The following RAB28 variants were observed in gnomAD, a reference collection of about 807,000 sequenced individuals.
RAB28 encodes the protein RAB28, member RAS oncogene family.
A neutral mutation model predicts 31.7 loss-of-function variants in RAB28; 24 were observed. The observed-to-expected ratio is 0.76, with a 90% CI of 0.55 to 1.06. The LOEUF is 1.06. RAB28 is among the 50% of genes least tolerant of loss of function. The pLI is 0.00. For missense variants in RAB28, 254 were observed against 258.5 expected, an observed-to-expected ratio of 0.98 and a Z score of 0.12; for synonymous variants, 100 against 90.4, an observed-to-expected ratio of 1.11 and a Z score of -0.60.
chr4:13,369,821 T>C (rs960151395), intron 6 of RAB28: 19 of 1,523,884 alleles, frequency 1.2e-5, no homozygotes, highest in Non-Finnish European at 1.7e-5. Context: ...TAGCATTCAA[T>C]GGTTCTCCCT....
At chr4:13,467,617 C>T (rs553862353) in intron 3 of RAB28, among the ~76,000 whole-genome samples, 1 of 151,880 alleles carries the variant, frequency 6.6e-6, no homozygotes, top group South Asian at 2.1e-4. Context: ...ATGTATATTG[C>T]AAACTCTAGA....
At chr4:13,442,683 G>A (rs1214123590) in intron 4 of RAB28, among the ~76,000 whole-genome samples, 1 of 151,972 alleles carries the variant, frequency 6.6e-6, no homozygotes, top group Non-Finnish European at 1.5e-5. Context: ...GAGAAGACAG[G>A]ATTTGAAGCA....
chr4:13,478,500 T>C (rs1716464525), intron 2 of RAB28, among the ~76,000 whole-genome samples: 1 of 151,534 alleles, frequency 6.6e-6, no homozygotes, highest in Non-Finnish European at 1.5e-5. Flanking sequence ...GTCTGATAGA[T>C]GGGGTGTCTG....
At chr4:13,470,243 A>G (rs1716057009) in intron 3 of RAB28, among the ~76,000 whole-genome samples, 1 of 152,152 alleles carries the variant, frequency 6.6e-6, no homozygotes, top group Admixed American at 6.6e-5. Context: ...CATACAGATT[A>G]TATAATAGCC....
At chr4:13,400,235 T>C (rs922165894) in intron 4 of RAB28, among the ~76,000 whole-genome samples, 1 of 152,162 alleles carries the variant, frequency 6.6e-6, no homozygotes. Context: ...ATTGTCTTTA[T>C]AAAAGCTGTT....
intron 4 of RAB28, among the ~76,000 whole-genome samples, chr4:13,422,197 A>G (rs549413676): frequency 6.6e-6 from 1 of 152,338 alleles, no homozygotes; most frequent in East Asian, 1.9e-4. Flanking sequence ...CAAAACCACA[A>G]TGAGATACCA....
intron 4 of RAB28, among the ~76,000 whole-genome samples, chr4:13,452,372 G>C (rs936043789): frequency 6.6e-6 from 1 of 151,638 alleles, no homozygotes; most frequent in Admixed American, 6.6e-5. Flanking sequence ...CAGTTTATTT[G>C]AAATCCTTCC....
intron 4 of RAB28, among the ~76,000 whole-genome samples, chr4:13,395,596 C>G (rs1729841565): frequency 6.6e-6 from 1 of 151,918 alleles, no homozygotes; most frequent in Non-Finnish European, 1.5e-5. Context: ...CTCAGGATCT[C>G]CACTGCATCC....
intron 4 of RAB28, among the ~76,000 whole-genome samples, chr4:13,446,603 G>A (rs1490704531): frequency 6.6e-6 from 1 of 152,144 alleles, no homozygotes; most frequent in Non-Finnish European, 1.5e-5. Flanking sequence ...GCTGGGGGAG[G>A]GGGATCCCGG....
intron 4 of RAB28, among the ~76,000 whole-genome samples, chr4:13,408,432 T>C (rs1712228560): frequency 1.3e-5 from 2 of 152,194 alleles, no homozygotes; most frequent in South Asian, 4.1e-4. Flanking sequence ...TATCGAGGAT[T>C]TTCAAACTGA....
At chr4:13,465,967 T>C (rs1439101874) in intron 3 of RAB28, among the ~76,000 whole-genome samples, 1 of 151,766 alleles carries the variant, frequency 6.6e-6, no homozygotes, top group East Asian at 1.9e-4. Context: ...AAATACACAA[T>C]GGAAAAAGGA....
rs537593708 is a variant in RAB28, at chr4:13,484,229, G to C, written c.-79C>G. ...AAGGCTCCGGGGGCGGGGGAGAGGA[G>C]GAAGGGAGGTAGTTGCGGCAGGACC... On this transcript the variant is annotated 5_prime_UTR_variant, in exon 1 of 7. Coordinates refer to ENST00000330852, the MANE Select transcript of RAB28 (RefSeq NM_001017979.3). 1.4e-3 allele frequency: 1,601 copies of C among 1,179,554 alleles called. 19 individuals carry two copies. The African/African-American group carries it at 0.021, about 16-fold the overall frequency. 73.1% of individuals were successfully genotyped at this position (1,179,554 alleles called of 1,614,324 possible). A position where few individuals can be genotyped will look rare whatever the true frequency, so the allele number is the denominator to read the frequency against.
At chr4:13,443,353 T>C (rs966212840) in intron 4 of RAB28, among the ~76,000 whole-genome samples, 4 of 151,806 alleles carry the variant, frequency 2.6e-5, no homozygotes, top group Non-Finnish European at 5.9e-5. Context: ...TTTGTATTTT[T>C]AGTAGAGACA....
intron 4 of RAB28, among the ~76,000 whole-genome samples, chr4:13,451,373 A>T (rs2108951466): frequency 6.8e-6 from 1 of 147,496 alleles, no homozygotes; most frequent in South Asian, 2.1e-4. Context: ...CCATTTTTTA[A>T]ATTGGATTAG....
In RAB28 at chr4:13,381,627, A is replaced by G. The variant is rs375279129; in HGVS notation, c.392-33T>C. The stretch of plus-strand genomic sequence containing the variant: ...GGTGTTAAAGAAAGAAAATAATTCA[A>G]TATTAGAGTCTATCAAAACGTTTTT... On this transcript the variant is annotated intron_variant, in intron 4 of 6. Coordinates refer to ENST00000330852, the MANE Select transcript of RAB28 (RefSeq NM_001017979.3). The G allele has an allele frequency of 5.0e-4, 731 of 1,476,296 alleles. 8 individuals are homozygous for G. The South Asian group carries it at 8.2e-3, about 17-fold the overall frequency. 91.4% of individuals were successfully genotyped at this position (1,476,296 alleles called of 1,614,324 possible). A position where few individuals can be genotyped will look rare whatever the true frequency, so the allele number is the denominator to read the frequency against.
At chr4:13,442,512 TA>T (rs1230367401) in intron 4 of RAB28, among the ~76,000 whole-genome samples, 9 of 152,010 alleles carry the variant, frequency 5.9e-5, no homozygotes, top group Non-Finnish European at 1.2e-4. Flanking sequence ...AACTATAATT[TA>T]AATGAAGGCT....
At chr4:13,444,326 C>T (rs772617739) in intron 4 of RAB28, among the ~76,000 whole-genome samples, 26 of 152,100 alleles carry the variant, frequency 1.7e-4, no homozygotes, top group Non-Finnish European at 3.4e-4. Flanking sequence ...CACGCCCAGC[C>T]GCGATTTCCT....
intron 6 of RAB28, chr4:13,370,472 C>A (rs1728675908): frequency 2.6e-6 from 2 of 772,800 alleles, no homozygotes; most frequent in African/African-American, 3.8e-5. Context: ...TTGCTGAGGC[C>A]CTAATGGAAA....
At chr4:13,429,948 A>C (rs1577206821) in intron 4 of RAB28, among the ~76,000 whole-genome samples, 1 of 152,252 alleles carries the variant, frequency 6.6e-6, no homozygotes. Context: ...AGTAAGTTAC[A>C]GTAATCAAGA....
Sources: allele counts gnomAD v4.1 joint callset (sites outside exome capture counted in the v4.1 genomes callset), GRCh38; gene constraint gnomAD v4.1.1; transcripts MANE v1.5; gene names NCBI Gene and HGNC (gene_info 2026-07-23, HGNC 2026-07-21).